The following KLF12 variants were observed in gnomAD, a reference collection of about 807,000 sequenced individuals.
KLF12 encodes the protein KLF transcription factor 12.
A neutral mutation model predicts 37.8 loss-of-function variants in KLF12; 9 were observed. The observed-to-expected ratio is 0.24, with a 90% CI of 0.14 to 0.42. The LOEUF is 0.42. KLF12 is among the 10% of genes least tolerant of loss of function. The probability of loss-of-function intolerance (pLI) is 1.00; values close to 1 mark genes in which losing one functional copy is unlikely to be tolerated. For missense variants in KLF12, 411 were observed against 516.0 expected (o/e 0.80, Z 1.97); for synonymous variants, 208 against 202.1 (o/e 1.03, Z -0.25).
chr13:73,782,624 T>C (rs1881036033), intron 5 of KLF12, among the ~76,000 whole-genome samples: 1 of 152,186 alleles, frequency 6.6e-6, no homozygotes, highest in Non-Finnish European at 1.5e-5. Flanking sequence ...TGTAGTAGAG[T>C]GCATTCTGCA....
the KLF12 span, among the ~76,000 whole-genome samples, chr13:74,147,067 A>C: frequency 6.6e-6 from 1 of 152,208 alleles, no homozygotes; most frequent in Non-Finnish European, 1.5e-5. Flanking sequence ...TTCTCATTAG[A>C]CTGAATTGCC....
At chr13:74,172,045 T>C in the KLF12 span, among the ~76,000 whole-genome samples, 29,258 of 151,908 alleles carry the variant, frequency 0.19, 4,226 homozygotes, top group African/African-American at 0.4. Context: ...CACTATACCA[T>C]TGACCCCAGC....
At chr13:73,863,959 A>AT (rs1436118148) in intron 3 of KLF12, among the ~76,000 whole-genome samples, 3 of 152,104 alleles carry the variant, frequency 2.0e-5, no homozygotes, top group African/African-American at 7.2e-5. Context: ...CTAAATAAGT[A>AT]TTTTTTCAGA....
intron 6 of KLF12, among the ~76,000 whole-genome samples, chr13:73,760,394 C>A (rs1879472399): frequency 6.6e-6 from 1 of 152,140 alleles, no homozygotes; most frequent in Non-Finnish European, 1.5e-5. Context: ...AATCATACCT[C>A]ACTGTAGCCT....
chr13:73,919,488 A>G (rs1161303713), intron 3 of KLF12, among the ~76,000 whole-genome samples: 1 of 152,216 alleles, frequency 6.6e-6, no homozygotes, highest in East Asian at 1.9e-4. Flanking sequence ...TAAATCTAGA[A>G]TAGATAGAAA....
the KLF12 span, among the ~76,000 whole-genome samples, chr13:74,244,308 A>G: frequency 6.6e-6 from 1 of 152,196 alleles, no homozygotes; most frequent in African/African-American, 2.4e-5. Context: ...ATGTTCCACT[A>G]CCTAAAACAT....
At chr13:73,850,637 C>T (rs528331334) in intron 3 of KLF12, among the ~76,000 whole-genome samples, 18 of 152,322 alleles carry the variant, frequency 1.2e-4, no homozygotes, top group African/African-American at 3.8e-4. Flanking sequence ...TAATATTCTA[C>T]TAAATGTCGT....
At chr13:73,979,094 A>C (rs1222149322) in intron 2 of KLF12, among the ~76,000 whole-genome samples, 4 of 152,180 alleles carry the variant, frequency 2.6e-5, no homozygotes, top group African/African-American at 4.8e-5. Context: ...GAGGATATGT[A>C]CCATTGTACA....
At chr13:73,954,039 C>T (rs577054433) in intron 2 of KLF12, among the ~76,000 whole-genome samples, 2 of 133,204 alleles carry the variant, frequency 1.5e-5, no homozygotes, top group East Asian at 2.2e-4. Flanking sequence ...AGTGCAGTGA[C>T]GTGATCTCGG....
At chr13:74,033,290 G>C (rs1291248818) in intron 1 of KLF12, among the ~76,000 whole-genome samples, 1 of 152,174 alleles carries the variant, frequency 6.6e-6, no homozygotes, top group African/African-American at 2.4e-5. Context: ...TCTATTTGGT[G>C]TATGCCCTTT....
intron 3 of KLF12, among the ~76,000 whole-genome samples, chr13:73,942,224 T>A (rs558402792): frequency 1.4e-4 from 21 of 152,316 alleles, no homozygotes; most frequent in African/African-American, 5.1e-4. Flanking sequence ...GGTCTGGGGC[T>A]AAGTTTCTGA....
the KLF12 span, among the ~76,000 whole-genome samples, chr13:74,166,017 A>G: frequency 6.6e-6 from 1 of 151,928 alleles, no homozygotes; most frequent in South Asian, 2.1e-4. Context: ...ATCTGGAGAA[A>G]GTGTTTAATT....
chr13:74,010,108 C>T (rs1892512079), intron 1 of KLF12, among the ~76,000 whole-genome samples: 1 of 152,112 alleles, frequency 6.6e-6, no homozygotes, highest in East Asian at 1.9e-4. Context: ...CACCACCACA[C>T]CTGGCTGATT....
chr13:73,799,334 T>A (rs1231212256), intron 5 of KLF12, among the ~76,000 whole-genome samples: 1 of 152,056 alleles, frequency 6.6e-6, no homozygotes, highest in African/African-American at 2.4e-5. Context: ...GGTGATGAAA[T>A]AATCTGCACA....
chr13:73,704,053 C>G (rs1874743916), intron 7 of KLF12, among the ~76,000 whole-genome samples: 1 of 152,110 alleles, frequency 6.6e-6, no homozygotes, highest in Non-Finnish European at 1.5e-5. Flanking sequence ...ACGTAGTGAC[C>G]TTTCTTTTCC....
chr13:73,773,173 T>C (rs1880377586), intron 5 of KLF12, among the ~76,000 whole-genome samples: 1 of 152,128 alleles, frequency 6.6e-6, no homozygotes, highest in African/African-American at 2.4e-5. Context: ...AGCATATAAA[T>C]CATAGGTGAG....
At chr13:73,944,128 T>G in intron 2 of KLF12, 58 bp from the exon 3 acceptor site, 3 of 996,570 alleles carry the variant, frequency 3.0e-6, no homozygotes, top group Non-Finnish European at 4.7e-6. Context: ...AGAGGACCTC[T>G]GGGAGAGTCT....
At chr13:73,995,145 C>A in intron 1 of KLF12, 92 bp from the exon 2 acceptor site, 1 of 784,024 alleles carries the variant, frequency 1.3e-6, no homozygotes. Flanking sequence ...CTTAATTCTA[C>A]AGTTCCTTAA....
chr13:74,027,497 C>G (rs1260660273), intron 1 of KLF12, among the ~76,000 whole-genome samples: 1 of 152,082 alleles, frequency 6.6e-6, no homozygotes, highest in African/African-American at 2.4e-5. Flanking sequence ...GAAGCAAAAG[C>G]AAGCTAAGGA....
Sources: gnomAD v4.1 joint callset for allele counts (sites outside exome capture counted in the v4.1 genomes callset) on GRCh38, gnomAD v4.1.1 for gene constraint, MANE v1.5 for transcripts, NCBI Gene and HGNC (gene_info 2026-07-23, HGNC 2026-07-21) for gene names.